Variants in MLLT3 observed in about 807,000 individuals in gnomAD.
MLLT3 encodes protein AF-9.
Under a neutral mutation model 53.2 loss-of-function variants are expected in MLLT3, and 4 were observed. That is an observed-to-expected ratio of 0.08 (90% CI 0.04 to 0.17). The LOEUF is 0.17. Among genes scored for constraint, MLLT3 ranks in the 10% least tolerant of loss-of-function variants. MLLT3 has a pLI of 1.00. For synonymous variants in MLLT3, 283 were observed against 230.6 expected (o/e 1.23, Z -2.06); for missense variants, 569 against 684.0 (o/e 0.83, Z 1.87).
chr9:20,541,965 CA>C (rs371506328), intron 2 of MLLT3, among the ~76,000 whole-genome samples: 29 of 152,170 alleles, frequency 1.9e-4, no homozygotes, highest in Admixed American at 5.2e-4. Flanking sequence ...CCATGAATCA[CA>C]AATGTTCATA....
intron 2 of MLLT3, among the ~76,000 whole-genome samples, chr9:20,565,972 A>ATT (rs1819358450): frequency 5.0e-5 from 1 of 20,028 alleles, no homozygotes; most frequent in African/African-American, 1.4e-4. Flanking sequence ...ATATATTTAT[A>ATT]TATATATATA....
Position 20,598,850 on chromosome 9 carries a change from C to G in MLLT3, c.193+21804G>C, listed in dbSNP as rs57163457. On this transcript the variant is annotated intron_variant, in intron 2 of 10. Transcript: ENST00000380338. ...AATCACAACATAAGTTTCCAATTTT[C>G]TTTTCCAAATTAGAGTTACTTTCCT... 6.7e-3 allele frequency among the ~76,000 whole-genome samples: 1,020 copies of G among 152,314 alleles called. 17 individuals are homozygous for G. Among genetic ancestry groups the G allele is most frequent in the African/African-American group, 0.024 (989 of 41,582 alleles).
intron 4 of MLLT3, among the ~76,000 whole-genome samples, chr9:20,431,873 A>T: frequency 6.6e-6 from 1 of 152,234 alleles, no homozygotes; most frequent in East Asian, 1.9e-4. Flanking sequence ...GTCATAAAAA[A>T]TACATATACT....
At chr9:20,370,300 G>C (rs1821565920) in intron 5 of MLLT3, among the ~76,000 whole-genome samples, 1 of 151,992 alleles carries the variant, frequency 6.6e-6, no homozygotes, top group African/African-American at 2.4e-5. Context: ...TGCTACTATT[G>C]TAATTGCTTT....
At chr9:20,374,096 T>A (rs916053627) in intron 5 of MLLT3, among the ~76,000 whole-genome samples, 1 of 151,982 alleles carries the variant, frequency 6.6e-6, no homozygotes, top group Admixed American at 6.5e-5. Context: ...AAAAATAACA[T>A]AACAAGCTAG....
chr9:20,354,808 C>A lies in MLLT3; in HGVS notation c.1503G>T (p.Lys501Asn). 6.2e-7 allele frequency: 1 copy of A among 1,606,396 alleles called. No individual in the cohort carries two copies. Among genetic ancestry groups the A allele is most frequent in the Non-Finnish European group, 8.5e-7 (1 of 1,173,406 alleles). The stretch of plus-strand genomic sequence containing the variant: ...TCCTAGTAACAGACTAGAAACCTAC[C>A]TTGTCACATTCACCATTCTTTATTT... ...DKQIKNGECD[K>N]AYLDELVELH... The change falls in exon 9 of 11, where the codon AAG becomes AAT. Residue 501 changes from lysine to asparagine, a missense_variant and splice_region_variant. Lys to Asn is a moderately conservative substitution (Grantham distance 94, BLOSUM62 0). Transcript: ENST00000380338.
At chr9:20,566,983 C>T (rs1254833466) in intron 2 of MLLT3, among the ~76,000 whole-genome samples, 1 of 152,020 alleles carries the variant, frequency 6.6e-6, no homozygotes, top group Non-Finnish European at 1.5e-5. Flanking sequence ...ATCTCAAGGG[C>T]AGTCTTATTA....
At chr9:20,614,776 T>C (rs993484224) in intron 2 of MLLT3, among the ~76,000 whole-genome samples, 5 of 152,152 alleles carry the variant, frequency 3.3e-5, no homozygotes, top group African/African-American at 1.2e-4. Context: ...AAGTTCTATA[T>C]CTTAGAACTG....
chr9:20,363,532 G>A lies in MLLT3; in HGVS notation c.1275C>T (p.Asn425=), dbSNP rs757736040. The A allele has an allele frequency of 1.1e-5, 17 of 1,613,816 alleles. No homozygotes were observed. Among genetic ancestry groups the A allele is most frequent in the South Asian group, 5.5e-5 (5 of 91,056 alleles). ...GCCTCTCCATTTCAGAGTCATTGTC[G>A]TTATCCTCCACTTCATCTGATTCCT... ...NEEESDEVED[N]DNDSEMERPV... The change falls in exon 7 of 11, where the codon AAC becomes AAT. Residue 425 remains asparagine, a synonymous_variant. Coordinates refer to ENST00000380338, the MANE Select transcript of MLLT3 (RefSeq NM_004529.4).
intron 2 of MLLT3, among the ~76,000 whole-genome samples, chr9:20,477,229 A>G (rs1484904889): frequency 6.6e-6 from 1 of 152,172 alleles, no homozygotes; most frequent in Admixed American, 6.6e-5. Flanking sequence ...CAAAAATGAA[A>G]AAGTGTTGAC....
chr9:20,458,510 C>T (rs1000467224), intron 2 of MLLT3, among the ~76,000 whole-genome samples: 5 of 152,150 alleles, frequency 3.3e-5, no homozygotes, highest in East Asian at 1.9e-4. Context: ...CCCTAAACCT[C>T]GTAAACTGAA....
chr9:20,383,542 C>A (rs1821955339), intron 5 of MLLT3, among the ~76,000 whole-genome samples: 1 of 151,726 alleles, frequency 6.6e-6, no homozygotes, highest in Non-Finnish European at 1.5e-5. Flanking sequence ...ATAGTGGTAC[C>A]AATTCATATC....
In MLLT3 at chr9:20,363,547, A is replaced by T. The variant is rs749280704; in HGVS notation, c.1260T>A (p.Asp420Glu). 8 of 1,614,052 alleles carry T rather than the reference A, an allele frequency of 5.0e-6. No individual in the cohort carries two copies. In the South Asian group the frequency reaches 8.8e-5, roughly 18 times the overall value. Reference protein sequence around the residue: ...LHSDDNEEESDEVEDNDNDSE... With the variant: ...LHSDDNEEESEEVEDNDNDSE... ...AGTCATTGTCGTTATCCTCCACTTCATCTGATTCCTCCTCATTGTCATCAG... is the reference window on the plus strand; with the variant it reads ...AGTCATTGTCGTTATCCTCCACTTCTTCTGATTCCTCCTCATTGTCATCAG... Residue 420 changes from aspartate (D) to glutamate (E), a missense_variant, in exon 7 of 11, where the codon GAT (aspartate) becomes GAA (glutamate). By Grantham distance (45) the Asp-to-Glu change is conservative. Transcript: ENST00000380338.
intron 2 of MLLT3, among the ~76,000 whole-genome samples, chr9:20,544,436 G>C (rs1005233864): frequency 6.6e-6 from 1 of 152,098 alleles, no homozygotes; most frequent in African/African-American, 2.4e-5. Flanking sequence ...GACTTGAACA[G>C]ACATTTCTCC....
At chr9:20,505,833 T>C (rs1277391661) in intron 2 of MLLT3, among the ~76,000 whole-genome samples, 2 of 152,168 alleles carry the variant, frequency 1.3e-5, no homozygotes, top group Non-Finnish European at 2.9e-5. Flanking sequence ...CATTAGAATA[T>C]ATCCAAGCAT....
At chr9:20,408,201 A>C (rs925315521) in intron 5 of MLLT3, among the ~76,000 whole-genome samples, 11 of 152,138 alleles carry the variant, frequency 7.2e-5, no homozygotes, top group Non-Finnish European at 1.6e-4. Context: ...GGAATTCCTT[A>C]ATTTAAGAAC....
chr9:20,506,773 C>T (rs1046262758), intron 2 of MLLT3, among the ~76,000 whole-genome samples: 3 of 152,174 alleles, frequency 2.0e-5, no homozygotes, highest in African/African-American at 7.2e-5. Context: ...CTTACTTTTA[C>T]ACTAATTTAT....
rs1175272613 is a variant in MLLT3, at chr9:20,365,692, G to GTGAAGC, written c.1172_1177dup (p.Ser391_Phe392dup). On this transcript the variant is annotated inframe_insertion, in exon 6 of 11. Coordinates refer to ENST00000380338, the MANE Select transcript of MLLT3 (RefSeq NM_004529.4). Reference sequence around the variant, plus strand: ...ACCTTGTTGCCTGGTCTGGGATGGTGTGAAGCTGGAGCTGGAGCTGGAGCT... The same window carrying GTGAAGC: ...ACCTTGTTGCCTGGTCTGGGATGGTGTGAAGCTGAAGCTGGAGCTGGAGCTGGAGCT... The GTGAAGC allele has an allele frequency of 4.3e-6, 7 of 1,614,098 alleles. No homozygotes were observed. Among genetic ancestry groups the GTGAAGC allele is most frequent in the Admixed American group, 1.7e-5 (1 of 60,004 alleles).
At chr9:20,402,827 C>A (rs1305388711) in intron 5 of MLLT3, among the ~76,000 whole-genome samples, 5 of 152,126 alleles carry the variant, frequency 3.3e-5, no homozygotes, top group African/African-American at 1.2e-4. Context: ...AGACATGAAG[C>A]ACTGCAGGTG....
Sources: gnomAD v4.1 joint callset for allele counts (sites outside exome capture counted in the v4.1 genomes callset) on GRCh38, gnomAD v4.1.1 for gene constraint, MANE v1.5 for transcripts, NCBI Gene and HGNC (gene_info 2026-07-23, HGNC 2026-07-21) for gene names.